The following NUTM1 variants were observed in gnomAD, a reference collection of about 807,000 sequenced individuals.
NUTM1 encodes NUT family member 1.
In NUTM1, 39 loss-of-function variants were observed where a neutral mutation model predicts 88.7. The ratio of observed to expected loss-of-function variants is 0.44; its 90% CI spans 0.34 to 0.57. The LOEUF (loss-of-function observed/expected upper bound fraction) is 0.57, where lower values mean the gene tolerates loss of function less well. NUTM1 is among the 20% of genes least tolerant of loss of function. The pLI is 0.01. For synonymous variants in NUTM1, 494 were observed against 538.0 expected (o/e 0.92, Z 1.13); for missense variants, 1,350 against 1,414.5 (o/e 0.95, Z 0.73).
intron 5 of NUTM1, 111 bp downstream of exon 5, chr15:34,353,983 C>CCAGA: frequency 1.3e-5 from 16 of 1,234,510 alleles, no homozygotes; most frequent in Non-Finnish European, 1.8e-5. Context: ...CACTTTCCCT[C>CCAGA]TGGAGAGTGG....
At position 34,345,872 on chromosome 15, in the gene NUTM1, G is replaced by A. The variant is rs1057190571; in HGVS notation, c.7-70G>A. 1.8e-5 allele frequency: 28 copies of A among 1,568,540 alleles called. No homozygotes were observed. In the African/African-American group the frequency reaches 2.2e-4, roughly 12 times the overall value. ...CCCACAGCAGAATGCCTTGAGTTCC[G>A]TATTCTAGTTCTGTGTGATCTGATC... is the stretch of plus-strand genomic sequence containing the variant. On this transcript the variant is annotated intron_variant, in intron 1 of 7. Coordinates refer to ENST00000537011, the MANE Select transcript of NUTM1 (RefSeq NM_001284292.2).
chr15:34,344,794 G>A (rs1390545444), intron 1 of NUTM1, among the ~76,000 whole-genome samples: 1 of 152,080 alleles, frequency 6.6e-6, no homozygotes, highest in Non-Finnish European at 1.5e-5. Flanking sequence ...TGAGGCGGGC[G>A]GATCATGAGG....
intron 1 of NUTM1, among the ~76,000 whole-genome samples, chr15:34,344,532 G>T (rs979460520): frequency 4.7e-5 from 7 of 149,900 alleles, no homozygotes; most frequent in African/African-American, 1.7e-4. Flanking sequence ...AAAGAATATG[G>T]TTTGTATTTA....
At chr15:34,353,372 T>C (rs1890743379) in intron 4 of NUTM1, among the ~76,000 whole-genome samples, 1 of 151,850 alleles carries the variant, frequency 6.6e-6, no homozygotes, top group Non-Finnish European at 1.5e-5. Flanking sequence ...TTTTGGTATC[T>C]TTTGTAGAGA....
chr15:34,347,853 AAAAAATAAAAAT>A lies in NUTM1; in HGVS notation c.101-86_101-75del, dbSNP rs150911418. The A allele has an allele frequency of 1.7e-3, 779 of 467,830 alleles. 15 individuals carry two copies. The highest frequency in any genetic ancestry group is 1.0e-2 in the African/African-American group (479 of 47,986). 29.0% of individuals were successfully genotyped at this position (467,830 alleles called of 1,614,324 possible). A position where few individuals can be genotyped will look rare whatever the true frequency, so the allele number is the denominator to read the frequency against. On this transcript the variant is annotated intron_variant, in intron 2 of 7. Coordinates refer to ENST00000537011, the MANE Select transcript of NUTM1 (RefSeq NM_001284292.2). ...GGGCGACAGAGCGAGACTCCATCTC[AAAAAATAAAAAT>A]AAAAATAAAAATAAAAATAAAAATA...
rs1317399792 is a variant in NUTM1 at position 34,356,155 on chromosome 15, T to C, written c.2147T>C (p.Met716Thr). Residue 716 changes from methionine to threonine, a missense_variant, in exon 8 of 8, where the codon ATG (methionine) becomes ACG (threonine). By Grantham distance (81) the Met-to-Thr change is moderately conservative (BLOSUM62 -1). Transcript: ENST00000537011. ...CCCTGGGAAGGCTCTTCAGGAGCCA[T>C]GTGGGGAGATGACAGAGGTACCCCC... ...AVPWEGSSGA[M>T]WGDDRGTPMA... The C allele has an allele frequency of 2.5e-6, 4 of 1,612,004 alleles. No homozygotes were observed. The highest frequency in any genetic ancestry group is 1.3e-5 in the African/African-American group (1 of 74,868).
chr15:34,356,984 ATCT>A lies in NUTM1; in HGVS notation c.2980_2982del (p.Ser994del), dbSNP rs760047415. The A allele has an allele frequency of 1.1e-5, 17 of 1,613,866 alleles. No homozygotes were observed. The highest frequency in any genetic ancestry group is 1.2e-5 in the Non-Finnish European group (14 of 1,180,016). On this transcript the variant is annotated inframe_deletion, in exon 8 of 8. Transcript: ENST00000537011. ...ACACAACTGGGACTCCCAAAGCAAC[ATCT>A]TCTCACCAGGGCCTTGGAAGCACTT...
intron 2 of NUTM1, among the ~76,000 whole-genome samples, chr15:34,347,589 T>C (rs1430077314): frequency 6.6e-6 from 1 of 151,740 alleles, no homozygotes; most frequent in African/African-American, 2.4e-5. Flanking sequence ...AAAGGAGGAA[T>C]TCACCTGTAA....
Position 34,353,840 on chromosome 15 carries a change from G to A in NUTM1, c.1043G>A (p.Gly348Glu), listed in dbSNP as rs1404108190. The change falls in exon 5 of 8, where the codon GGG (glycine) becomes GAG (glutamate). Residue 348 changes from glycine to glutamate, a missense_variant. By Grantham distance (98) the Gly-to-Glu change is moderately conservative (BLOSUM62 -2). This residue lies in a region of NUTM1 where 89 missense variants were observed against 76.0 expected (regional missense o/e 1.17). Coordinates refer to ENST00000537011, the MANE Select transcript of NUTM1 (RefSeq NM_001284292.2). ...ACCCCTTTGAAACTTGATCCTCTAGGGCCCCTGGCCTCTGAGGTTTGCCAG... is the reference window on the plus strand; with the variant it reads ...ACCCCTTTGAAACTTGATCCTCTAGAGCCCCTGGCCTCTGAGGTTTGCCAG... ...PATPLKLDPL[G>E]PLASEVCQQP... The A allele has an allele frequency of 6.2e-7, 1 of 1,613,730 alleles. No homozygotes were observed. The highest frequency in any genetic ancestry group is 1.3e-5 in the African/African-American group (1 of 74,870).
At position 34,350,840 on chromosome 15, in the gene NUTM1, C is replaced by G. The variant is rs776776138; in HGVS notation, c.938+8C>G. The G allele has an allele frequency of 6.2e-7, 1 of 1,613,646 alleles. No homozygotes were observed. ...TTATGAGATGGCAGAAAGGTGAGTTCGATGAACCTTCATTCTCCTGAGGGA... is the reference window on the plus strand; with the variant it reads ...TTATGAGATGGCAGAAAGGTGAGTTGGATGAACCTTCATTCTCCTGAGGGA... On this transcript the variant is annotated splice_region_variant and intron_variant, in intron 4 of 7. Coordinates refer to ENST00000537011, the MANE Select transcript of NUTM1 (RefSeq NM_001284292.2).
chr15:34,351,464 T>C (rs943038225), intron 4 of NUTM1, among the ~76,000 whole-genome samples: 2 of 151,874 alleles, frequency 1.3e-5, no homozygotes, highest in Admixed American at 6.6e-5. Context: ...GGATCCTTGC[T>C]TCTTCTTCCA....
rs1375876265 is a variant in NUTM1, at chr15:34,343,368, G to C, written c.-329G>C. The C allele has an allele frequency of 1.7e-6, 1 of 605,450 alleles. No homozygotes were observed. Among genetic ancestry groups the C allele is most frequent in the African/African-American group, 1.9e-5 (1 of 54,006 alleles). The allele number at this position is 605,450 out of a possible 1,614,324, so 37.5% of individuals were successfully genotyped here. A position where few individuals can be genotyped will look rare whatever the true frequency, so the allele number is the denominator to read the frequency against. ...AGGGGGGTAGGGATGGATGTGGATA[G>C]AATATTGACGTATAGAAGCCTGTCT... On this transcript the variant is annotated 5_prime_UTR_variant, in exon 1 of 8. Transcript: ENST00000537011.
In NUTM1 at chr15:34,353,742, G is replaced by A; in HGVS notation, c.945G>A (p.Met315Ile). 40 of 1,614,132 alleles carry A rather than the reference G, an allele frequency of 2.5e-5. No individual in the cohort carries two copies. The highest frequency in any genetic ancestry group is 3.2e-5 in the Non-Finnish European group (38 of 1,180,024). The part of the protein sequence containing the change: ...MIFYEMAERF[M>I]EFEAEEMQIQ... ...CCTTTCTCACCCTCTGCAGGTTCATGGAGTTTGAGGCTGAGGAGATGCAGA... is the reference window on the plus strand; with the variant it reads ...CCTTTCTCACCCTCTGCAGGTTCATAGAGTTTGAGGCTGAGGAGATGCAGA... Residue 315 changes from methionine to isoleucine, a missense_variant, in exon 5 of 8, where the codon ATG (methionine) becomes ATA (isoleucine). Around this residue, in one of 5 missense-constraint regions of NUTM1, gnomAD observed 399 missense variants for 397.9 expected, o/e 1.00. Coordinates refer to ENST00000537011, the MANE Select transcript of NUTM1 (RefSeq NM_001284292.2).
rs1890798750 is a variant in NUTM1 at position 34,355,954 on chromosome 15, C to T, written c.1946C>T (p.Pro649Leu). Residue 649 changes from proline (P) to leucine (L), a missense_variant, in exon 8 of 8, where the codon CCC becomes CTC. Physicochemically the swap from Pro to Leu is moderately conservative, Grantham distance 98 (BLOSUM62 -3). Coordinates refer to ENST00000537011, the MANE Select transcript of NUTM1 (RefSeq NM_001284292.2). The surrounding 1 kb of genome is among the most constrained non-coding windows in gnomAD (Gnocchi z 4.3). ...GCTGATAGGACTTCAGAGGCTCTGCCCCTTTGTTGGCAGGGAGGCTTCCAG... is the reference window on the plus strand; with the variant it reads ...GCTGATAGGACTTCAGAGGCTCTGCTCCTTTGTTGGCAGGGAGGCTTCCAG... ...LVADRTSEALPLCWQGGFQPE... is the reference protein window; with the variant it reads ...LVADRTSEALLLCWQGGFQPE... The T allele has an allele frequency of 6.2e-7, 1 of 1,614,120 alleles. No homozygotes were observed. Among genetic ancestry groups the T allele is most frequent in the South Asian group, 1.1e-5 (1 of 91,088 alleles).
chr15:34,349,428 T>C (rs1030834481), intron 3 of NUTM1, among the ~76,000 whole-genome samples: 5 of 152,218 alleles, frequency 3.3e-5, no homozygotes, highest in Admixed American at 3.3e-4. Flanking sequence ...TGTTTTATTA[T>C]TATCCTAAAA....
chr15:34,346,502 A>G (rs1269407578), intron 2 of NUTM1, among the ~76,000 whole-genome samples: 1 of 109,522 alleles, frequency 9.1e-6, no homozygotes, highest in Non-Finnish European at 1.9e-5. Flanking sequence ...GTAAGGTGGG[A>G]AGGACCTTAG....
rs1356522929 is a variant in NUTM1 at position 34,357,200 on chromosome 15, C to T, written c.3192C>T (p.Pro1064=). Reference sequence around the variant, plus strand: ...TTAGCCTCTCACCAAGGGAGCATCCCCTCAGTCCTCACCATGCCTCAGGAG... The same window carrying T: ...TTAGCCTCTCACCAAGGGAGCATCCTCTCAGTCCTCACCATGCCTCAGGAG... ...SKLSLSPREH[P]LSPHHASGGQ... The change falls in exon 8 of 8, where the codon CCC becomes CCT. Residue 1064 remains proline (P), a synonymous_variant. Transcript: ENST00000537011. The T allele has an allele frequency of 6.2e-7, 1 of 1,614,064 alleles. No individual in the cohort carries two copies. The highest frequency in any genetic ancestry group is 1.1e-5 in the South Asian group (1 of 91,088).
In NUTM1 at chr15:34,356,189, G is replaced by C; in HGVS notation, c.2181G>C (p.Gln727His). ...ATGACAGAGGTACCCCCATGGCTCA[G>C]AGTTATGATCAGAATCCTTCCCCTA... ...WGDDRGTPMA[Q>H]SYDQNPSPRA... Residue 727 changes from glutamine (Q) to histidine (H), a missense_variant, in exon 8 of 8, where the codon CAG becomes CAC. Gln to His is a conservative substitution (Grantham distance 24, BLOSUM62 0). Around this residue, in one of 5 missense-constraint regions of NUTM1, gnomAD observed 730 missense variants for 728.8 expected, o/e 1.00. Transcript: ENST00000537011. The C allele has an allele frequency of 6.2e-7, 1 of 1,609,882 alleles. No homozygotes were observed. The highest frequency in any genetic ancestry group is 8.5e-7 in the Non-Finnish European group (1 of 1,176,838).
chr15:34,344,519 A>T (rs1007668324), intron 1 of NUTM1, among the ~76,000 whole-genome samples: 76 of 151,346 alleles, frequency 5.0e-4, no homozygotes, highest in African/African-American at 1.8e-3. Context: ...AAAAAAAAAA[A>T]AAAAAGAATA....
Sources: allele counts gnomAD v4.1 joint callset (sites outside exome capture counted in the v4.1 genomes callset), GRCh38; gene constraint gnomAD v4.1.1; regional missense constraint gnomAD v4.1.1; non-coding constraint Gnocchi (gnomAD v3.1); transcripts MANE v1.5; gene names NCBI Gene and HGNC (gene_info 2026-07-23, HGNC 2026-07-21).